The following STAB2 variants were observed in gnomAD, a reference collection of about 807,000 sequenced individuals.
STAB2 encodes the protein stabilin 2, also known as stabilin-2.
STAB2 carries 288 observed loss-of-function variants against 338.1 expected under a neutral mutation model. The ratio of observed to expected loss-of-function variants is 0.85; its 90% CI spans 0.77 to 0.94. The LOEUF (loss-of-function observed/expected upper bound fraction) is 0.94. STAB2 is among the 40% of genes least tolerant of loss of function. STAB2 has a pLI of 0.00. For missense variants in STAB2, 3,141 were observed against 3,210.1 expected (o/e 0.98, Z 0.52); for synonymous variants, 1,202 against 1,193.3 (o/e 1.01, Z -0.15).
In STAB2 at chr12:103,708,427, A is replaced by AT. The variant is rs1433477889; in HGVS notation, c.4193-10dup. The AT allele has an allele frequency of 6.2e-7, 1 of 1,613,400 alleles. No individual in the cohort carries two copies. Among genetic ancestry groups the AT allele is most frequent in the African/African-American group, 1.3e-5 (1 of 74,886 alleles). ...GTTAGAATCTGACGATTTGCAGGTG[A>AT]TTTTCCCACTTAGCATGTTCTTGTG... On this transcript the variant is annotated splice_polypyrimidine_tract_variant and intron_variant, in intron 38 of 68. Transcript: ENST00000388887.
chr12:103,633,971 G>T (rs1017513828), intron 6 of STAB2, among the ~76,000 whole-genome samples: 1 of 152,184 alleles, frequency 6.6e-6, no homozygotes, highest in Non-Finnish European at 1.5e-5. Flanking sequence ...TACCCCGGGA[G>T]AGGAGAGGAA....
chr12:103,601,163 T>C (rs1956948543), intron 3 of STAB2, among the ~76,000 whole-genome samples: 1 of 126,028 alleles, frequency 7.9e-6, no homozygotes, highest in South Asian at 2.5e-4. Flanking sequence ...CATAAGGCTA[T>C]TGTGAGGATT....
At position 103,655,332 on chromosome 12, in the gene STAB2, A is replaced by C. The variant is rs1874098217; in HGVS notation, c.1608+25A>C. On this transcript the variant is annotated intron_variant, in intron 14 of 68. Transcript: ENST00000388887. ...GGTAAGCACTTTTCATAATTTTCTG[A>C]AAAATATTTATGTCAAGACTTTTGT... 1.2e-6 allele frequency: 2 copies of C among 1,608,456 alleles called. 1 individual carries two copies. The highest frequency in any genetic ancestry group is 3.4e-5 in the Admixed American group (2 of 58,954).
In STAB2 at chr12:103,750,484, C is replaced by T. The variant is rs1651263104; in HGVS notation, c.6439-95C>T. ...GGCACGTTCTCTTGGTCCATCTGAA[C>T]ACCTCCTAGGCTGGACATTGGTCCC... On this transcript the variant is annotated intron_variant, in intron 59 of 68. Transcript: ENST00000388887. 2.7e-6 allele frequency: 4 copies of T among 1,503,784 alleles called. No individual in the cohort carries two copies. In the East Asian group the frequency reaches 6.8e-5, roughly 26 times the overall value. The allele number at this position is 1,503,784 out of a possible 1,614,324, so 93.2% of individuals were successfully genotyped here. A position where few individuals can be genotyped will look rare whatever the true frequency, so the allele number is the denominator to read the frequency against.
chr12:103,618,719 C>T (rs1014210280), intron 3 of STAB2, among the ~76,000 whole-genome samples: 1 of 152,144 alleles, frequency 6.6e-6, no homozygotes, highest in Admixed American at 6.5e-5. Context: ...GTGCCTGTTT[C>T]CTCATCTAGA....
Position 103,650,500 on chromosome 12 carries a change from A to G in STAB2, c.1179A>G (p.Lys393=). 6.2e-7 allele frequency: 1 copy of G among 1,612,980 alleles called. No individual in the cohort carries two copies. Among genetic ancestry groups the G allele is most frequent in the Non-Finnish European group, 8.5e-7 (1 of 1,179,150 alleles). Residue 393 remains lysine (K), a synonymous_variant, in exon 11 of 69, where the codon AAA becomes AAG. Coordinates refer to ENST00000388887, the MANE Select transcript of STAB2 (RefSeq NM_017564.10). ...RLTSFISLLD[K]AYAWPLSKLG... is the part of the protein sequence containing the mutation. ...TGTGTTATTTCGACTCCTAAGACAA[A>G]GCTTATGCCTGGCCACTGAGTAAGC... is the stretch of plus-strand genomic sequence containing the variant.
chr12:103,590,762 A>T, intron 1 of STAB2, 135 bp from the exon 2 acceptor site: 1 of 1,034,502 alleles, frequency 9.7e-7, no homozygotes, highest in Non-Finnish European at 1.4e-6. Context: ...AGTCATTACC[A>T]ATCAACCTTA....
intron 28 of STAB2, 96 bp downstream of exon 28, chr12:103,688,311 G>T: frequency 8.3e-7 from 1 of 1,199,368 alleles, no homozygotes; most frequent in South Asian, 1.2e-5. Flanking sequence ...CTGGTAAGGA[G>T]TGTAGGCAAT....
intron 8 of STAB2, among the ~76,000 whole-genome samples, 174 bp downstream of exon 8, chr12:103,638,386 C>T (rs1450876831): frequency 6.6e-6 from 1 of 152,186 alleles, no homozygotes; most frequent in Non-Finnish European, 1.5e-5. Flanking sequence ...CCTGCTCACC[C>T]AGTCTATCCT....
intron 67 of STAB2, 89 bp from the exon 68 acceptor site, chr12:103,763,403 C>A: frequency 9.6e-7 from 1 of 1,042,486 alleles, no homozygotes; most frequent in Non-Finnish European, 1.5e-6. Context: ...CTCCCAGAGG[C>A]AAAGGGTGGC....
chr12:103,721,940 C>A (rs1390341116), intron 44 of STAB2, among the ~76,000 whole-genome samples: 1 of 152,064 alleles, frequency 6.6e-6, no homozygotes, highest in Non-Finnish European at 1.5e-5. Context: ...CATGTTGGTT[C>A]TACTCATGAA....
chr12:103,707,568 T>C (rs995040064), intron 38 of STAB2, among the ~76,000 whole-genome samples: 1 of 152,226 alleles, frequency 6.6e-6, no homozygotes, highest in African/African-American at 2.4e-5. Flanking sequence ...GCAAGACACA[T>C]GCTTTAAGTA....
chr12:103,677,680 C>T (rs1174071366), intron 25 of STAB2, 69 bp downstream of exon 25: 44 of 1,541,764 alleles, frequency 2.9e-5, no homozygotes, highest in Middle Eastern at 4.4e-4. Context: ...CCCCTCAGGA[C>T]ACAGAAGTAC....
In STAB2 at chr12:103,677,625, C is replaced by A; in HGVS notation, c.2805+14C>A. On this transcript the variant is annotated intron_variant, in intron 25 of 68. Transcript: ENST00000388887. ...GGTCCCGGGCAGGTAGGTTGGATGT[C>A]ATGAGAGCAAAGAGAAAGCAGGAAT... The A allele has an allele frequency of 1.2e-6, 2 of 1,602,242 alleles. No individual in the cohort carries two copies. The highest frequency in any genetic ancestry group is 2.2e-5 in the South Asian group (2 of 90,660).
At chr12:103,700,781 A>G (rs1878791758) in intron 34 of STAB2, among the ~76,000 whole-genome samples, 2 of 152,224 alleles carry the variant, frequency 1.3e-5, no homozygotes, top group South Asian at 2.1e-4. Flanking sequence ...AATTCATACA[A>G]TAGAGGCTTT....
chr12:103,720,825 A>G (rs1183324522), intron 44 of STAB2, among the ~76,000 whole-genome samples: 2 of 152,322 alleles, frequency 1.3e-5, no homozygotes, highest in East Asian at 3.9e-4. Context: ...AGATCAAGGC[A>G]CTGGCTAGTT....
intron 27 of STAB2, among the ~76,000 whole-genome samples, chr12:103,687,551 G>A (rs543762821): frequency 1.3e-5 from 2 of 152,178 alleles, no homozygotes; most frequent in South Asian, 2.1e-4. Flanking sequence ...AGAGCCATAT[G>A]GGTAAATTAA....
chr12:103,699,684 G>A (rs953161435), intron 34 of STAB2, among the ~76,000 whole-genome samples: 15 of 152,200 alleles, frequency 9.9e-5, no homozygotes, highest in African/African-American at 3.4e-4. Flanking sequence ...TTCCATATTG[G>A]GATCATCTCA....
At chr12:103,597,112 T>C (rs1424553816) in intron 3 of STAB2, among the ~76,000 whole-genome samples, 1 of 152,184 alleles carries the variant, frequency 6.6e-6, no homozygotes, top group African/African-American at 2.4e-5. Flanking sequence ...GGTACTCCTC[T>C]TTATCTTCAT....
Sources: gnomAD v4.1 joint callset for allele counts (sites outside exome capture counted in the v4.1 genomes callset) on GRCh38, gnomAD v4.1.1 for gene constraint, MANE v1.5 for transcripts, NCBI Gene and HGNC (gene_info 2026-07-23, HGNC 2026-07-21) for gene names.